RYR3: variants seen among roughly 807,000 people sequenced by gnomAD.
The protein encoded by RYR3 is ryanodine receptor 3.
Under a neutral mutation model 584.3 loss-of-function variants are expected in RYR3, and 207 were observed. The observed-to-expected ratio is 0.35, with a 90% confidence interval of 0.32 to 0.40. RYR3 has a LOEUF of 0.40. RYR3 is among the 10% of genes least tolerant of loss of function. The pLI is 1.00. For synonymous variants in RYR3, 2,416 were observed against 2,248.5 expected (o/e 1.07, Z -2.11); for missense variants, 5,616 against 6,089.2 (o/e 0.92, Z 2.59).
At chr15:33,316,225 T>C (rs1245853933) in intron 1 of RYR3, among the ~76,000 whole-genome samples, 2 of 152,232 alleles carry the variant, frequency 1.3e-5, no homozygotes, top group African/African-American at 2.4e-5. Context: ...TGTGCTTATT[T>C]GCCTCTTTGC....
intron 1 of RYR3, among the ~76,000 whole-genome samples, chr15:33,330,526 C>T (rs918112047): frequency 6.6e-6 from 1 of 152,152 alleles, no homozygotes; most frequent in Non-Finnish European, 1.5e-5. Context: ...TACTCTTCCT[C>T]TCCCCCAAAG....
Position 33,697,959 on chromosome 15 carries a change from AGGTGAT to A in RYR3, c.6218_6223del (p.Met2073_Val2074del). On this transcript the variant is annotated inframe_deletion, in exon 40 of 104. Coordinates refer to ENST00000634891, the MANE Select transcript of RYR3 (RefSeq NM_001036.6). ...CTGGGCATGCACGAGACGGTGATGG[AGGTGAT>A]GGTGAACGTGTTGGGTACAGAGAAA... 2 of 1,613,536 alleles carry A rather than the reference AGGTGAT, an allele frequency of 1.2e-6. No homozygotes were observed. Among genetic ancestry groups the A allele is most frequent in the Non-Finnish European group, 1.7e-6 (2 of 1,179,512 alleles).
chr15:33,865,888 G>A lies in RYR3; in HGVS notation c.*662G>A, dbSNP rs1440851767. 1 of 152,524 alleles carries A rather than the reference G, an allele frequency of 6.6e-6. No individual in the cohort carries two copies. Among genetic ancestry groups the A allele is most frequent in the Non-Finnish European group, 1.5e-5 (1 of 68,014 alleles). 9.4% of individuals were successfully genotyped at this position (152,524 alleles called of 1,614,324 possible). A position where few individuals can be genotyped will look rare whatever the true frequency, so the allele number is the denominator to read the frequency against. On this transcript the variant is annotated 3_prime_UTR_variant, in exon 104 of 104. Coordinates refer to ENST00000634891, the MANE Select transcript of RYR3 (RefSeq NM_001036.6). Reference sequence around the variant, plus strand: ...CTTACTTTATGAAACTGCACTTGAAGGTTATTCATACAAGTTTTTTTAGTA... The same window carrying A: ...CTTACTTTATGAAACTGCACTTGAAAGTTATTCATACAAGTTTTTTTAGTA...
intron 7 of RYR3, among the ~76,000 whole-genome samples, chr15:33,543,210 A>G (rs972103569): frequency 6.6e-5 from 10 of 151,840 alleles, no homozygotes; most frequent in African/African-American, 2.2e-4. Flanking sequence ...CATGACTGCA[A>G]TCTGATTTGG....
chr15:33,391,685 T>C (rs2042009399), intron 1 of RYR3, among the ~76,000 whole-genome samples: 1 of 151,872 alleles, frequency 6.6e-6, no homozygotes, highest in Non-Finnish European at 1.5e-5. Context: ...AATAAATAAA[T>C]CATTAGCTGA....
intron 1 of RYR3, among the ~76,000 whole-genome samples, chr15:33,430,633 G>C (rs1382564127): frequency 6.6e-6 from 1 of 152,132 alleles, no homozygotes; most frequent in Non-Finnish European, 1.5e-5. Context: ...GGCGATGTGG[G>C]TTTCTGAAAA....
chr15:33,332,609 A>C (rs1348796984), intron 1 of RYR3, among the ~76,000 whole-genome samples: 7 of 152,158 alleles, frequency 4.6e-5, no homozygotes, highest in Admixed American at 1.3e-4. Flanking sequence ...CTCTCATTAC[A>C]GAACAATTTA....
At position 33,664,614 on chromosome 15, in the gene RYR3, T is replaced by TATATATATAC. The variant is rs1491296584; in HGVS notation, c.5619+878_5619+879insTATATATACA. Reference sequence around the variant, plus strand: ...GTATATATATATATATATATATATATACGTATGTATACATCTGCGAGGGAG... The same window carrying TATATATATAC: ...GTATATATATATATATATATATATATATATATATACACGTATGTATACATCTGCGAGGGAG... On this transcript the variant is annotated intron_variant, in intron 36 of 103. Coordinates refer to ENST00000634891, the MANE Select transcript of RYR3 (RefSeq NM_001036.6). Among the ~76,000 whole-genome samples the TATATATATAC allele has an allele frequency of 1.6e-3, 190 of 120,518 alleles. 2 individuals are homozygous for TATATATATAC. The highest frequency in any genetic ancestry group is 6.1e-3 in the East Asian group (26 of 4,244). 79.1% of individuals were successfully genotyped at this position (120,518 alleles called of 152,430 possible). A position where few individuals can be genotyped will look rare whatever the true frequency, so the allele number is the denominator to read the frequency against.
intron 16 of RYR3, among the ~76,000 whole-genome samples, chr15:33,587,015 A>G (rs2058885180): frequency 7.0e-6 from 1 of 142,022 alleles, no homozygotes; most frequent in Admixed American, 7.0e-5. Flanking sequence ...TCTGCTTGTC[A>G]TCATCTGGGG....
At chr15:33,372,924 G>T (rs534812830) in intron 1 of RYR3, among the ~76,000 whole-genome samples, 12 of 152,150 alleles carry the variant, frequency 7.9e-5, no homozygotes, top group Non-Finnish European at 1.5e-4. Flanking sequence ...GTAATATAGT[G>T]CCCAACAATA....
Position 33,550,282 on chromosome 15 carries a change from C to T in RYR3, c.938C>T (p.Thr313Ile), listed in dbSNP as rs1171648016. The T allele has an allele frequency of 6.2e-7, 1 of 1,613,438 alleles. No individual in the cohort carries two copies. The highest frequency in any genetic ancestry group is 8.5e-7 in the Non-Finnish European group (1 of 1,179,688). Residue 313 changes from threonine to isoleucine, a missense_variant, in exon 10 of 104, where the codon ACC becomes ATC. Physicochemically the swap from Thr to Ile is moderately conservative, Grantham distance 89 (BLOSUM62 -1). Coordinates refer to ENST00000634891, the MANE Select transcript of RYR3 (RefSeq NM_001036.6). Reference protein sequence around the residue: ...LILQDRAKSDTKSTAFSFRAS... With the variant: ...LILQDRAKSDIKSTAFSFRAS... ...CTGCAAGACCGGGCAAAGTCAGACACCAAGTCCACAGCTTTCTCTTTCCGG... is the reference window on the plus strand; with the variant it reads ...CTGCAAGACCGGGCAAAGTCAGACATCAAGTCCACAGCTTTCTCTTTCCGG...
intron 1 of RYR3, among the ~76,000 whole-genome samples, chr15:33,426,382 G>T (rs2044658347): frequency 6.6e-6 from 1 of 152,164 alleles, no homozygotes; most frequent in East Asian, 1.9e-4. Flanking sequence ...GTTGGATCCA[G>T]GCTCAGAAGT....
chr15:33,686,529 C>G (rs771425682), intron 38 of RYR3, among the ~76,000 whole-genome samples: 8 of 152,296 alleles, frequency 5.3e-5, no homozygotes, highest in Non-Finnish European at 8.8e-5. Context: ...CCTTTGGAAA[C>G]TATTCCAATG....
At chr15:33,726,850 G>C (rs574696714) in intron 46 of RYR3, among the ~76,000 whole-genome samples, 2 of 152,358 alleles carry the variant, frequency 1.3e-5, no homozygotes, top group South Asian at 4.1e-4. Context: ...CACACCATTA[G>C]ATTGTATTCC....
intron 49 of RYR3, 125 bp downstream of exon 49, chr15:33,736,450 T>C (rs12909708): frequency 0.12 from 73,099 of 618,052 alleles, 5,500 homozygotes; most frequent in East Asian, 0.28. Context: ...CTTAAGTTGA[T>C]GGTTAGCTAA....
At chr15:33,594,691 C>T (rs1378169908) in intron 16 of RYR3, among the ~76,000 whole-genome samples, 1 of 152,126 alleles carries the variant, frequency 6.6e-6, no homozygotes, top group Non-Finnish European at 1.5e-5. Flanking sequence ...CTGTTAGAGT[C>T]CTACAGCTGA....
chr15:33,601,507 G>A lies in RYR3; in HGVS notation c.1877G>A (p.Arg626Gln), dbSNP rs777760026. 22 of 1,613,700 alleles carry A rather than the reference G, an allele frequency of 1.4e-5. No individual in the cohort carries two copies. The Middle Eastern group carries it at 4.9e-4, about 36-fold the overall frequency. ...CTGATCTGTGACAACTTGCTGCCCC[G>A]GAGAAACCTACTCCTGCAGACACGA... ...QNLICDNLLP[R>Q]RNLLLQTRLI... Residue 626 changes from arginine to glutamine, a missense_variant, in exon 17 of 104, where the codon CGG (arginine) becomes CAG (glutamine). Transcript: ENST00000634891.
intron 81 of RYR3, among the ~76,000 whole-genome samples, chr15:33,823,372 T>TGCGC (rs2077209147): frequency 1.3e-5 from 2 of 152,326 alleles, no homozygotes; most frequent in South Asian, 4.1e-4. Context: ...AGGCTCAGTG[T>TGCGC]GCGCATTGAG....
At chr15:33,842,584 A>G (rs1369210028) in intron 91 of RYR3, among the ~76,000 whole-genome samples, 1 of 152,176 alleles carries the variant, frequency 6.6e-6, no homozygotes, top group Non-Finnish European at 1.5e-5. Flanking sequence ...CCCCACAGAG[A>G]GATTGGGAAC....
Sources: allele counts gnomAD v4.1 joint callset (sites outside exome capture counted in the v4.1 genomes callset), GRCh38; gene constraint gnomAD v4.1.1; transcripts MANE v1.5; gene names NCBI Gene and HGNC (gene_info 2026-07-23, HGNC 2026-07-21).